The following ADARB1 variants were observed in gnomAD, a reference collection of about 807,000 sequenced individuals.
The protein encoded by ADARB1 is double-stranded RNA-specific editase 1.
ADARB1 carries 10 observed loss-of-function variants against 52.4 expected under a neutral mutation model. That is an observed-to-expected ratio of 0.19 (90% confidence interval 0.12 to 0.32). ADARB1 has a LOEUF of 0.32. Ranked by LOEUF, ADARB1 falls within the 10% of genes least tolerant of loss-of-function variation. The pLI is 1.00. For missense variants in ADARB1, 643 were observed against 922.3 expected (o/e 0.70, Z 3.92); for synonymous variants, 349 against 371.1 (o/e 0.94, Z 0.68).
rs778519236 is a variant in ADARB1 at position 45,204,511 on chromosome 21, C to CT, written c.1566-43dup. ...AGGCTTGGGCTGGGCTGCGTCGACA[C>CT]TGAGTCCGAGCTCCCTGAAGACTGT... On this transcript the variant is annotated intron_variant, in intron 8 of 10. Coordinates refer to ENST00000348831, the MANE Select transcript of ADARB1 (RefSeq NM_001112.4). This position sits in a 1 kb window ranked among gnomAD's most constrained non-coding sequence, Gnocchi z 4.4. The CT allele has an allele frequency of 1.9e-6, 3 of 1,593,258 alleles. No individual in the cohort carries two copies. The highest frequency in any genetic ancestry group is 2.6e-6 in the Non-Finnish European group (3 of 1,168,502).
chr21:45,122,857 A>G (rs559405483), intron 1 of ADARB1, among the ~76,000 whole-genome samples: 1 of 152,210 alleles, frequency 6.6e-6, no homozygotes, highest in Non-Finnish European at 1.5e-5. Flanking sequence ...TGTGAGGAAT[A>G]TAAAGTTTCT....
chr21:45,089,880 C>T (rs1398681107), intron 1 of ADARB1, among the ~76,000 whole-genome samples: 3 of 152,228 alleles, frequency 2.0e-5, no homozygotes, highest in Non-Finnish European at 4.4e-5. Context: ...CTTTTGGGAA[C>T]ATGCGTCTTC....
At chr21:45,156,541 A>G (rs1417036831) in intron 2 of ADARB1, among the ~76,000 whole-genome samples, 1 of 73,328 alleles carries the variant, frequency 1.4e-5, no homozygotes, top group South Asian at 5.1e-4. Flanking sequence ...ATCACCCATC[A>G]TCCATTCATC....
intron 8 of ADARB1, among the ~76,000 whole-genome samples, chr21:45,202,339 A>G (rs2092573218): frequency 6.6e-6 from 1 of 152,134 alleles, no homozygotes; most frequent in Non-Finnish European, 1.5e-5. Flanking sequence ...CAGAGTGGGG[A>G]CTGAGCAGCT....
intron 1 of ADARB1, among the ~76,000 whole-genome samples, chr21:45,122,148 G>GCA (rs1425725492): frequency 1.3e-5 from 2 of 152,204 alleles, no homozygotes; most frequent in African/African-American, 4.8e-5. Context: ...GTGTTTAACT[G>GCA]CACACGCGTG....
At position 45,129,733 on chromosome 21, in the gene ADARB1, C is replaced by T. The variant is rs1003737869; in HGVS notation, c.-48+1160C>T. The stretch of plus-strand genomic sequence containing the variant: ...CTGGTGCAGAGCCATAGGTAGGGGG[C>T]GGTCACCAGGGCGTGAGCGTGGATG... On this transcript the variant is annotated intron_variant, in intron 2 of 10. Coordinates refer to ENST00000348831, the MANE Select transcript of ADARB1 (RefSeq NM_001112.4). Among the ~76,000 whole-genome samples the T allele has an allele frequency of 4.6e-4, 70 of 152,116 alleles. 1 individual carries two copies. The highest frequency in any genetic ancestry group is 2.9e-4 in the Non-Finnish European group (20 of 67,984).
At chr21:45,136,699 TC>T (rs1018947598) in intron 2 of ADARB1, among the ~76,000 whole-genome samples, 54 of 152,114 alleles carry the variant, frequency 3.5e-4, no homozygotes, top group African/African-American at 7.2e-4. Context: ...AGCAGGGGTG[TC>T]CCCGCACCCA....
At chr21:45,102,502 A>G (rs2087063951) in intron 1 of ADARB1, among the ~76,000 whole-genome samples, 1 of 152,230 alleles carries the variant, frequency 6.6e-6, no homozygotes. Context: ...AGCTGATTCT[A>G]GGACTGGGCA....
intron 9 of ADARB1, among the ~76,000 whole-genome samples, chr21:45,209,992 G>A (rs954336290): frequency 3.3e-5 from 5 of 152,204 alleles, no homozygotes; most frequent in Non-Finnish European, 4.4e-5. Flanking sequence ...ACCATCTCAG[G>A]AGTGAACTGT....
chr21:45,181,046 G>A (rs2091913281), intron 5 of ADARB1, among the ~76,000 whole-genome samples: 1 of 152,186 alleles, frequency 6.6e-6, no homozygotes, highest in Non-Finnish European at 1.5e-5. Context: ...GCCAGTGTCT[G>A]GCACCCCAGG....
intron 2 of ADARB1, among the ~76,000 whole-genome samples, chr21:45,158,962 C>T (rs1031102118): frequency 2.6e-5 from 4 of 151,828 alleles, no homozygotes; most frequent in Admixed American, 6.6e-5. Flanking sequence ...AAGGCATATT[C>T]GTGTATGTGG....
At chr21:45,168,095 G>C (rs2091328993) in intron 2 of ADARB1, among the ~76,000 whole-genome samples, 1 of 152,036 alleles carries the variant, frequency 6.6e-6, no homozygotes, top group South Asian at 2.1e-4. Context: ...CATTTCCCTA[G>C]TGACTCGTGA....
At chr21:45,197,993 T>TG in intron 8 of ADARB1, among the ~76,000 whole-genome samples, 2 of 152,134 alleles carry the variant, frequency 1.3e-5, no homozygotes, top group South Asian at 4.2e-4. Context: ...TACCACAGTG[T>TG]CCCTTTAAGC....
chr21:45,152,589 A>G (rs2145956930), intron 2 of ADARB1: 1 of 390,926 alleles, frequency 2.6e-6, no homozygotes, highest in Non-Finnish European at 5.3e-6. Context: ...GGCCGGCCGG[A>G]CTGGCATTGG....
intron 2 of ADARB1, among the ~76,000 whole-genome samples, chr21:45,149,783 G>A (rs1463828096): frequency 6.6e-6 from 1 of 152,214 alleles, no homozygotes; most frequent in African/African-American, 2.4e-5. Context: ...TTCGGATAAT[G>A]CTTGTTCTGT....
intron 2 of ADARB1, among the ~76,000 whole-genome samples, chr21:45,156,320 C>G (rs1396787723): frequency 2.4e-3 from 351 of 149,022 alleles, no homozygotes; most frequent in African/African-American, 8.2e-3. Context: ...TCCACCCACC[C>G]ATCATCACCC....
At chr21:45,134,954 C>T in intron 2 of ADARB1, 1 of 394,548 alleles carries the variant, frequency 2.5e-6, no homozygotes, top group Non-Finnish European at 5.1e-6. Flanking sequence ...CCAGGTGGGT[C>T]TCCTGGGGCA....
Position 45,222,517 on chromosome 21 carries a change from C to G in ADARB1, c.*320C>G. 8.8e-7 allele frequency: 1 copy of G among 1,140,224 alleles called. No homozygotes were observed. The highest frequency in any genetic ancestry group is 1.1e-6 in the Non-Finnish European group (1 of 929,354). The allele number at this position is 1,140,224 out of a possible 1,614,324, so 70.6% of individuals were successfully genotyped here. Reference sequence around the variant, plus strand: ...AGAAATTGAGTTCTACTGAGTAGGGCTTCCTTAAGTTTAGGAAAATAGAAA... The same window carrying G: ...AGAAATTGAGTTCTACTGAGTAGGGGTTCCTTAAGTTTAGGAAAATAGAAA... On this transcript the variant is annotated 3_prime_UTR_variant, in exon 11 of 11. Coordinates refer to ENST00000348831, the MANE Select transcript of ADARB1 (RefSeq NM_001112.4).
Position 45,172,623 on chromosome 21 carries a change from G to A in ADARB1, c.28+939G>A, listed in dbSNP as rs428497. 1.3e-5 allele frequency among the ~76,000 whole-genome samples: 2 copies of A among 152,160 alleles called. No individual in the cohort carries two copies. The highest frequency in any genetic ancestry group is 3.9e-4 in the East Asian group (2 of 5,194). ...ATTTCTGCATGGTATTGATTTCTGC[G>A]TGGTATTGCTGCCCCATGGGTGTGC... On this transcript the variant is annotated intron_variant, in intron 3 of 10. Coordinates refer to ENST00000348831, the MANE Select transcript of ADARB1 (RefSeq NM_001112.4). The surrounding 1 kb of genome is among the most constrained non-coding windows in gnomAD (Gnocchi z 4.4).
Sources: allele counts gnomAD v4.1 joint callset (sites outside exome capture counted in the v4.1 genomes callset), GRCh38; gene constraint gnomAD v4.1.1; non-coding constraint Gnocchi (gnomAD v3.1); transcripts MANE v1.5; gene names NCBI Gene and HGNC (gene_info 2026-07-23, HGNC 2026-07-21).